SNTG1: variants seen among roughly 807,000 people sequenced by gnomAD.
SNTG1 encodes the protein syntrophin gamma 1, also known as gamma-1-syntrophin.
Under a neutral mutation model 74.7 loss-of-function variants are expected in SNTG1, and 39 were observed. That is an observed-to-expected ratio of 0.52 (90% confidence interval 0.40 to 0.68). The LOEUF (loss-of-function observed/expected upper bound fraction) is 0.68, where lower values mean the gene tolerates loss of function less well. Ranked by LOEUF, SNTG1 falls within the 30% of genes least tolerant of loss-of-function variation. SNTG1 has a pLI of 0.00. For synonymous variants in SNTG1, 254 were observed against 217.1 expected (o/e 1.17, Z -1.49); for missense variants, 685 against 609.5 (o/e 1.12, Z -1.30).
chr8:50,479,169 C>G (rs1032536959), intron 8 of SNTG1, among the ~76,000 whole-genome samples: 1 of 151,984 alleles, frequency 6.6e-6, no homozygotes, highest in African/African-American at 2.4e-5. Flanking sequence ...CAAATTTTAA[C>G]AAGTACATGC....
intron 4 of SNTG1, among the ~76,000 whole-genome samples, chr8:50,427,395 T>C (rs909526184): frequency 3.3e-5 from 5 of 152,188 alleles, no homozygotes; most frequent in Admixed American, 1.3e-4. Context: ...AAACAGACAC[T>C]AATGCAAATA....
At chr8:50,100,849 T>G (rs1311102958) in intron 1 of SNTG1, among the ~76,000 whole-genome samples, 1 of 152,096 alleles carries the variant, frequency 6.6e-6, no homozygotes, top group East Asian at 1.9e-4. Flanking sequence ...TTGTATGTCA[T>G]TGGGGTTTGG....
At chr8:50,101,173 A>G (rs967613953) in intron 1 of SNTG1, among the ~76,000 whole-genome samples, 3 of 151,952 alleles carry the variant, frequency 2.0e-5, no homozygotes, top group East Asian at 1.9e-4. Context: ...TCCTTACGCA[A>G]TCCATCATTG....
chr8:50,756,344 G>A (rs1253455729), intron 18 of SNTG1, among the ~76,000 whole-genome samples: 1 of 151,806 alleles, frequency 6.6e-6, no homozygotes, highest in Non-Finnish European at 1.5e-5. Context: ...AGGTCATCTA[G>A]ACTTTGTACT....
chr8:49,991,376 A>T (rs1813672320), intron 1 of SNTG1, among the ~76,000 whole-genome samples: 1 of 152,042 alleles, frequency 6.6e-6, no homozygotes, highest in African/African-American at 2.4e-5. Flanking sequence ...CTGTGAAAAC[A>T]CTCTGGCCGT....
At chr8:50,347,074 G>A (rs78793294) in intron 2 of SNTG1, among the ~76,000 whole-genome samples, 9,949 of 152,276 alleles carry the variant, frequency 0.065, 351 homozygotes, top group African/African-American at 0.072. Context: ...TTCAATGTAG[G>A]CAAAACAGCC....
At chr8:50,713,280 G>C (rs909605830) in intron 17 of SNTG1, among the ~76,000 whole-genome samples, 3 of 151,990 alleles carry the variant, frequency 2.0e-5, no homozygotes, top group Non-Finnish European at 2.9e-5. Flanking sequence ...TCATATGTTT[G>C]TTGCCTACAT....
chr8:50,086,236 C>T (rs926380106), intron 1 of SNTG1, among the ~76,000 whole-genome samples: 1 of 152,192 alleles, frequency 6.6e-6, no homozygotes, highest in Non-Finnish European at 1.5e-5. Flanking sequence ...GAATTCCCTA[C>T]ATGACTGTTA....
At chr8:50,661,723 C>G (rs142372179) in intron 15 of SNTG1, among the ~76,000 whole-genome samples, 3 of 152,028 alleles carry the variant, frequency 2.0e-5, no homozygotes, top group African/African-American at 7.2e-5. Flanking sequence ...CCCAACAGGC[C>G]CTGGTGTGTG....
intron 9 of SNTG1, among the ~76,000 whole-genome samples, chr8:50,506,643 G>A (rs751956929): frequency 4.1e-4 from 62 of 152,034 alleles, no homozygotes; most frequent in South Asian, 1.5e-3. Context: ...AGAAACAACT[G>A]AATTTTTATG....
chr8:50,217,139 A>G (rs1403006321), intron 2 of SNTG1, among the ~76,000 whole-genome samples: 2 of 152,074 alleles, frequency 1.3e-5, no homozygotes, highest in African/African-American at 4.8e-5. Flanking sequence ...TAGTGTAGAC[A>G]TATTAATTAA....
At chr8:50,434,478 A>G (rs1022497750) in intron 4 of SNTG1, among the ~76,000 whole-genome samples, 1 of 26,574 alleles carries the variant, frequency 3.8e-5, no homozygotes, top group Non-Finnish European at 1.7e-4. Context: ...GTCTTCCACA[A>G]TGTTTGAACA....
chr8:50,162,541 G>A (rs2082455872), intron 1 of SNTG1, among the ~76,000 whole-genome samples: 2 of 133,766 alleles, frequency 1.5e-5, no homozygotes, highest in Non-Finnish European at 3.1e-5. Context: ...CAGCCTGGGC[G>A]ACAGCAAGAC....
At chr8:49,972,119 T>C (rs1345875374) in intron 1 of SNTG1, among the ~76,000 whole-genome samples, 1 of 152,114 alleles carries the variant, frequency 6.6e-6, no homozygotes, top group African/African-American at 2.4e-5. Flanking sequence ...CAAACTATAC[T>C]ACAAGGCCAC....
At chr8:50,240,103 C>T (rs2129642486) in intron 2 of SNTG1, among the ~76,000 whole-genome samples, 1 of 152,254 alleles carries the variant, frequency 6.6e-6, no homozygotes, top group East Asian at 1.9e-4. Context: ...TAAAGACTCT[C>T]TTGGTATTTG....
At chr8:50,058,013 T>G (rs1820169972) in intron 1 of SNTG1, among the ~76,000 whole-genome samples, 1 of 152,130 alleles carries the variant, frequency 6.6e-6, no homozygotes, top group Non-Finnish European at 1.5e-5. Context: ...TCATACACAG[T>G]CAGTGGTTGA....
At chr8:50,660,526 A>AGAAG (rs1375703861) in intron 15 of SNTG1, among the ~76,000 whole-genome samples, 1 of 127,750 alleles carries the variant, frequency 7.8e-6, no homozygotes, top group Non-Finnish European at 1.6e-5. Flanking sequence ...GGAGGGAGGG[A>AGAAG]GAAGGAAGGA....
chr8:50,645,622 C>T (rs1346916412), intron 13 of SNTG1, among the ~76,000 whole-genome samples: 2 of 152,032 alleles, frequency 1.3e-5, no homozygotes, highest in Non-Finnish European at 2.9e-5. Context: ...TACTTTTATT[C>T]CTGGCAAAAT....
chr8:50,429,857 T>C (rs571320984), intron 4 of SNTG1, among the ~76,000 whole-genome samples: 4 of 152,190 alleles, frequency 2.6e-5, no homozygotes, highest in Non-Finnish European at 5.9e-5. Context: ...ATATAAATGG[T>C]AAGCAAATGA....
Sources: gnomAD v4.1 joint callset for allele counts (sites outside exome capture counted in the v4.1 genomes callset) on GRCh38, gnomAD v4.1.1 for gene constraint, MANE v1.5 for transcripts, NCBI Gene and HGNC (gene_info 2026-07-23, HGNC 2026-07-21) for gene names.